PTPRD: variants seen among roughly 807,000 people sequenced by gnomAD.
PTPRD encodes receptor-type tyrosine-protein phosphatase delta.
Under a neutral mutation model 214.5 loss-of-function variants are expected in PTPRD, and 34 were observed. That is an observed-to-expected ratio of 0.16 (90% CI 0.12 to 0.21). PTPRD has a LOEUF of 0.21. PTPRD is among the 10% of genes least tolerant of loss of function. The pLI is 1.00. For synonymous variants in PTPRD, 1,128 were observed against 845.7 expected (o/e 1.33, Z -5.79); for missense variants, 2,545 against 2,398.7 (o/e 1.06, Z -1.27).
intron 36 of PTPRD, among the ~76,000 whole-genome samples, chr9:8,392,072 A>G (rs77754226): frequency 0.11 from 17,129 of 152,062 alleles, 1,225 homozygotes; most frequent in African/African-American, 0.2. Context: ...AATCAATACT[A>G]TCACTAAATG....
At chr9:9,572,500 C>T (rs553994565) in intron 8 of PTPRD, among the ~76,000 whole-genome samples, 5 of 149,146 alleles carry the variant, frequency 3.4e-5, no homozygotes, top group African/African-American at 9.8e-5. Flanking sequence ...AGAAATAATG[C>T]TGATTTATTA....
intron 8 of PTPRD, among the ~76,000 whole-genome samples, chr9:9,516,615 G>T (rs1323136875): frequency 6.6e-6 from 1 of 151,806 alleles, no homozygotes. Context: ...TAAGCTAACT[G>T]CAACCTCCAC....
At chr9:10,568,425 A>G (rs938210334) in intron 2 of PTPRD, among the ~76,000 whole-genome samples, 15 of 152,040 alleles carry the variant, frequency 9.9e-5, no homozygotes, top group Non-Finnish European at 2.1e-4. Flanking sequence ...CGCAATAAAC[A>G]TACGTGTGCA....
chr9:9,282,744 G>A (rs1202958901), intron 9 of PTPRD, among the ~76,000 whole-genome samples: 2 of 151,398 alleles, frequency 1.3e-5, no homozygotes, highest in Non-Finnish European at 3.0e-5. Context: ...AATAGCTGGA[G>A]GCTAAATGTT....
intron 9 of PTPRD, among the ~76,000 whole-genome samples, chr9:9,292,816 A>G (rs141398398): frequency 1.5e-3 from 224 of 151,214 alleles, no homozygotes; most frequent in Admixed American, 2.4e-3. Flanking sequence ...ATTATATAGA[A>G]TGTTCCTCTA....
chr9:8,998,783 A>C (rs2099406810), intron 11 of PTPRD, among the ~76,000 whole-genome samples: 1 of 151,972 alleles, frequency 6.6e-6, no homozygotes, highest in Non-Finnish European at 1.5e-5. Flanking sequence ...CATTAAGAAC[A>C]TTTGGGATTC....
chr9:8,580,396 A>C (rs947034336), intron 14 of PTPRD, among the ~76,000 whole-genome samples: 9 of 152,202 alleles, frequency 5.9e-5, no homozygotes, highest in African/African-American at 2.2e-4. Flanking sequence ...GATAGCAATT[A>C]AGTTTCTCTT....
chr9:9,937,575 A>G (rs1312497493), intron 5 of PTPRD, among the ~76,000 whole-genome samples: 2 of 152,160 alleles, frequency 1.3e-5, no homozygotes, highest in Non-Finnish European at 2.9e-5. Context: ...CTCACATTAA[A>G]TCACAAGATA....
chr9:8,549,452 G>T (rs975989318), intron 14 of PTPRD, among the ~76,000 whole-genome samples: 2 of 152,160 alleles, frequency 1.3e-5, no homozygotes, highest in African/African-American at 2.4e-5. Flanking sequence ...ACCCAGCAAA[G>T]AATTTACAGT....
At chr9:9,148,877 TG>T (rs2099873113) in intron 10 of PTPRD, among the ~76,000 whole-genome samples, 1 of 152,188 alleles carries the variant, frequency 6.6e-6, no homozygotes, top group East Asian at 1.9e-4. Flanking sequence ...GAAAATGATA[TG>T]GTTACAAAAG....
chr9:8,520,837 TATGTTG>T (rs1442687302), intron 20 of PTPRD, among the ~76,000 whole-genome samples: 4 of 152,178 alleles, frequency 2.6e-5, no homozygotes, highest in African/African-American at 4.8e-5. Flanking sequence ...ATTACTAGAC[TATGTTG>T]ATTTCAACTT....
intron 6 of PTPRD, among the ~76,000 whole-genome samples, chr9:9,756,312 C>G (rs1596889593): frequency 6.6e-6 from 1 of 152,218 alleles, no homozygotes; most frequent in East Asian, 1.9e-4. Flanking sequence ...TGACTTTGAT[C>G]CACACTTCCT....
chr9:8,549,769 C>T (rs115024231), intron 14 of PTPRD, among the ~76,000 whole-genome samples: 1 of 151,582 alleles, frequency 6.6e-6, no homozygotes, highest in Admixed American at 6.6e-5. Flanking sequence ...GGAAAAACAC[C>T]CAATAATTCT....
At chr9:9,881,307 T>C (rs939911239) in intron 5 of PTPRD, among the ~76,000 whole-genome samples, 1 of 152,166 alleles carries the variant, frequency 6.6e-6, no homozygotes, top group South Asian at 2.1e-4. Flanking sequence ...TATCAGACTC[T>C]ACCATCAATT....
At chr9:9,969,126 A>AAAT (rs1479278812) in intron 4 of PTPRD, among the ~76,000 whole-genome samples, 3 of 152,134 alleles carry the variant, frequency 2.0e-5, no homozygotes, top group Non-Finnish European at 4.4e-5. Flanking sequence ...CTCACTGAGG[A>AAAT]AATAACAAAG....
chr9:10,158,003 T>TTTTGTTTGTTTGTTTGTTTG (rs71485324), intron 3 of PTPRD, among the ~76,000 whole-genome samples: 2 of 150,954 alleles, frequency 1.3e-5, no homozygotes, highest in Non-Finnish European at 2.9e-5. Flanking sequence ...GTTTATGGTT[T>TTTTGTTTGTTTGTTTGTTTG]TTTGTTTGTT....
At chr9:9,738,921 G>T (rs950408867) in intron 6 of PTPRD, among the ~76,000 whole-genome samples, 1 of 151,968 alleles carries the variant, frequency 6.6e-6, no homozygotes, top group African/African-American at 2.4e-5. Context: ...TCTTTCAGTA[G>T]ATGCATTCTG....
At chr9:9,081,366 G>C (rs2099758761) in intron 10 of PTPRD, among the ~76,000 whole-genome samples, 1 of 152,098 alleles carries the variant, frequency 6.6e-6, no homozygotes, top group African/African-American at 2.4e-5. Context: ...GAGACTGTTT[G>C]TTATGATTTC....
chr9:8,524,875 T>TC, intron 18 of PTPRD, 50 bp downstream of exon 18: 1 of 1,508,120 alleles, frequency 6.6e-7, no homozygotes, highest in Non-Finnish European at 9.2e-7. Flanking sequence ...GCGTCTCAAC[T>TC]CCCCCTGAGC....
Sources: gnomAD v4.1 joint callset for allele counts (sites outside exome capture counted in the v4.1 genomes callset) on GRCh38, gnomAD v4.1.1 for gene constraint, MANE v1.5 for transcripts, NCBI Gene and HGNC (gene_info 2026-07-23, HGNC 2026-07-21) for gene names.